BTG4: variants seen among roughly 807,000 people sequenced by gnomAD.
BTG4 encodes the protein BTG anti-proliferation factor 4, also known as protein BTG4.
BTG4 carries 10 observed loss-of-function variants against 19.3 expected under a neutral mutation model. The ratio of observed to expected loss-of-function variants is 0.52; its 90% CI spans 0.32 to 0.88. The LOEUF is 0.88. Ranked by LOEUF, BTG4 falls within the 40% of genes least tolerant of loss-of-function variation. The probability of loss-of-function intolerance (pLI) is 0.04; values close to 1 mark genes in which losing one functional copy is unlikely to be tolerated. For synonymous variants in BTG4, 91 were observed against 95.7 expected (o/e 0.95, Z 0.29); for missense variants, 238 against 281.9 (o/e 0.84, Z 1.11).
At chr11:111,445,754 G>C in the BTG4 span, among the ~76,000 whole-genome samples, 1 of 152,160 alleles carries the variant, frequency 6.6e-6, no homozygotes, top group Non-Finnish European at 1.5e-5. Context: ...CTGACCTTGT[G>C]GGAATTTTCC....
the BTG4 span, chr11:111,434,846 T>A: frequency 6.6e-6 from 1 of 151,928 alleles, no homozygotes; most frequent in Non-Finnish European, 1.5e-5. Context: ...ATCTCAGAGG[T>A]CCTTCCCAGC....
At chr11:111,409,932 C>A in the BTG4 span, among the ~76,000 whole-genome samples, 1 of 152,184 alleles carries the variant, frequency 6.6e-6, no homozygotes, top group Non-Finnish European at 1.5e-5. Context: ...CATAGTGTCA[C>A]ATACTTGGGG....
At chr11:111,486,927 A>G (rs773670099) in intron 5 of BTG4, among the ~76,000 whole-genome samples, 3 of 152,060 alleles carry the variant, frequency 2.0e-5, no homozygotes, top group African/African-American at 4.8e-5. Flanking sequence ...TTACCTAGGT[A>G]TTAAGCCCCC....
the BTG4 span, among the ~76,000 whole-genome samples, chr11:111,443,081 C>A: frequency 6.8e-4 from 104 of 152,324 alleles, no homozygotes; most frequent in Admixed American, 6.1e-3. Context: ...TTGCATGTAC[C>A]CTTCATACAA....
the BTG4 span, among the ~76,000 whole-genome samples, chr11:111,452,224 T>A: frequency 6.6e-6 from 1 of 152,222 alleles, no homozygotes; most frequent in Non-Finnish European, 1.5e-5. Context: ...CAGATAGTCA[T>A]CTGATTTGAG....
rs571300294 is a variant in BTG4 at position 111,489,356 on chromosome 11, C to T, written c.662+5807G>A. ...GTGGGAATGCAAACTCCTACAGCCACTATGGAGAACAGTATGGAGGTTCCT... is the reference window on the plus strand; with the variant it reads ...GTGGGAATGCAAACTCCTACAGCCATTATGGAGAACAGTATGGAGGTTCCT... On this transcript the variant is annotated intron_variant, in intron 5 of 5. Coordinates refer to the BTG4 transcript ENST00000356018. 4.6e-5 allele frequency among the ~76,000 whole-genome samples: 7 copies of T among 152,310 alleles called. No homozygotes were observed. The East Asian group carries it at 9.7e-4, about 21-fold the overall frequency.
At chr11:111,394,375 T>A in the BTG4 span, among the ~76,000 whole-genome samples, 3 of 152,166 alleles carry the variant, frequency 2.0e-5, no homozygotes, top group East Asian at 1.9e-4. Context: ...ATAGGGGCAG[T>A]TCCCCCCATA....
At chr11:111,399,179 C>T in the BTG4 span, 3 of 152,262 alleles carry the variant, frequency 2.0e-5, no homozygotes, top group Non-Finnish European at 4.4e-5. Context: ...ATTGTAGCCA[C>T]TTCCTTGGAG....
chr11:111,421,922 A>G, the BTG4 span, among the ~76,000 whole-genome samples: 2 of 152,036 alleles, frequency 1.3e-5, no homozygotes, highest in Non-Finnish European at 2.9e-5. Flanking sequence ...GACAAAAAAA[A>G]AGGCAGAAGG....
intron 5 of BTG4, among the ~76,000 whole-genome samples, chr11:111,471,088 C>A (rs530053026): frequency 6.6e-6 from 1 of 152,126 alleles, no homozygotes; most frequent in Non-Finnish European, 1.5e-5. Flanking sequence ...ATATTTATAT[C>A]AAACTATAAT....
chr11:111,439,641 G>A, the BTG4 span, among the ~76,000 whole-genome samples: 3 of 151,716 alleles, frequency 2.0e-5, no homozygotes, highest in Non-Finnish European at 2.9e-5. Flanking sequence ...TCCCCTCCCA[G>A]ACTCACACCC....
At chr11:111,420,686 G>A in the BTG4 span, among the ~76,000 whole-genome samples, 2 of 152,146 alleles carry the variant, frequency 1.3e-5, no homozygotes, top group Non-Finnish European at 2.9e-5. Flanking sequence ...AATGCCAGAG[G>A]GATTGCAGTA....
the BTG4 span, among the ~76,000 whole-genome samples, chr11:111,461,398 C>T: frequency 6.6e-6 from 1 of 152,080 alleles, no homozygotes; most frequent in Non-Finnish European, 1.5e-5. Flanking sequence ...GACTCTGGAG[C>T]AGGTGTCACC....
chr11:111,454,145 G>T, the BTG4 span: 1 of 381,250 alleles, frequency 2.6e-6, no homozygotes, highest in Middle Eastern at 8.2e-4. Context: ...GACTGTTGAG[G>T]CTCTATAGGA....
rs1865237045 is a variant in BTG4, at chr11:111,488,999, G to T, written c.662+6164C>A. ...CATCTCTACTAAAAATACAAAATTA[G>T]CCAGGCATGGTGGTGCATGCCTGTA... On this transcript the variant is annotated intron_variant, in intron 5 of 5. Coordinates refer to the BTG4 transcript ENST00000356018. Among the ~76,000 whole-genome samples, 6 of 151,876 alleles carry T rather than the reference G, an allele frequency of 4.0e-5. No individual in the cohort carries two copies. In the South Asian group the frequency reaches 1.3e-3, roughly 32 times the overall value.
the BTG4 span, among the ~76,000 whole-genome samples, chr11:111,449,109 T>A: frequency 6.6e-6 from 1 of 152,128 alleles, no homozygotes. Context: ...TCAAGTCTCT[T>A]TTTTTATTGA....
chr11:111,481,815 G>A (rs545712000), intron 5 of BTG4, among the ~76,000 whole-genome samples: 1 of 151,824 alleles, frequency 6.6e-6, no homozygotes, highest in African/African-American at 2.4e-5. Flanking sequence ...GACTAGAAGG[G>A]AACTTCCTCA....
At chr11:111,455,239 G>A in the BTG4 span, 10 of 353,840 alleles carry the variant, frequency 2.8e-5, no homozygotes, top group Admixed American at 3.2e-4. Context: ...CACCATCTCT[G>A]GGAATTTCTC....
At chr11:111,394,814 G>A in the BTG4 span, among the ~76,000 whole-genome samples, 1 of 152,138 alleles carries the variant, frequency 6.6e-6, no homozygotes, top group Non-Finnish European at 1.5e-5. Flanking sequence ...TGATAAAAAC[G>A]ACTGCCACTT....
Sources: gnomAD v4.1 joint callset for allele counts (sites outside exome capture counted in the v4.1 genomes callset) on GRCh38, gnomAD v4.1.1 for gene constraint, MANE v1.5 for transcripts, NCBI Gene and HGNC (gene_info 2026-07-23, HGNC 2026-07-21) for gene names.